Variants in TCF3 observed in about 807,000 individuals in gnomAD.
The protein encoded by TCF3 is transcription factor 3, also known as transcription factor E2-alpha.
A neutral mutation model predicts 72.3 loss-of-function variants in TCF3; 54 were observed. That is an observed-to-expected ratio of 0.75 (90% CI 0.60 to 0.94). TCF3 has a LOEUF of 0.94. TCF3 is among the 40% of genes least tolerant of loss of function. The pLI is 0.00. For synonymous variants in TCF3, 525 were observed against 412.6 expected (o/e 1.27, Z -3.30); for missense variants, 1,078 against 934.4 (o/e 1.15, Z -2.00).
rs2061344321 is a variant in TCF3, at chr19:1,614,430, G to A, written c.1822+855C>T. On this transcript the variant is annotated intron_variant, in intron 18 of 18. Coordinates refer to ENST00000262965, the MANE Select transcript of TCF3 (RefSeq NM_003200.5). The surrounding 1 kb of genome is among the most constrained non-coding windows in gnomAD (Gnocchi z 5.6). ...GGGCAGCAAGTGCGAGGTGAGGAGGGGCTGCCACGGGAAGCAGAGGGACGG... is the reference window on the plus strand; with the variant it reads ...GGGCAGCAAGTGCGAGGTGAGGAGGAGCTGCCACGGGAAGCAGAGGGACGG... Among the ~76,000 whole-genome samples the A allele has an allele frequency of 6.6e-6, 1 of 152,332 alleles. No individual in the cohort carries two copies. Among genetic ancestry groups the A allele is most frequent in the East Asian group, 1.9e-4 (1 of 5,184 alleles).
rs2061120189 is a variant in TCF3, at chr19:1,612,577, ACAG to A, written c.1823-731_1823-729del. The A allele has an allele frequency of 8.0e-6, 6 of 748,928 alleles. No individual in the cohort carries two copies. The Admixed American group carries it at 1.3e-4, about 16-fold the overall frequency. 46.4% of individuals were successfully genotyped at this position (748,928 alleles called of 1,614,324 possible). A position where few individuals can be genotyped will look rare whatever the true frequency, so the allele number is the denominator to read the frequency against. ...GGGTACACGGCTGGTGTTGGTGGGC[ACAG>A]CAGTGTGGGCAGCAGTGCAGGTACA... On this transcript the variant is annotated intron_variant, in intron 18 of 18. Coordinates refer to ENST00000262965, the MANE Select transcript of TCF3 (RefSeq NM_003200.5).
At chr19:1,631,209 G>A (rs1180495695) in intron 5 of TCF3, among the ~76,000 whole-genome samples, 1 of 152,034 alleles carries the variant, frequency 6.6e-6, no homozygotes, top group Non-Finnish European at 1.5e-5. Context: ...AGGCTCAGAA[G>A]AGGATGGCGC....
chr19:1,622,034 C>A lies in TCF3; in HGVS notation c.822+20G>T. On this transcript the variant is annotated intron_variant, in intron 10 of 18. Transcript: ENST00000262965. ...ACTGCCACCCTCCGCCCACCCCCTGCCCCCTGCCCTGGGTCCTACCATACG... is the reference window on the plus strand; with the variant it reads ...ACTGCCACCCTCCGCCCACCCCCTGACCCCTGCCCTGGGTCCTACCATACG... 8 of 1,596,816 alleles carry A rather than the reference C, an allele frequency of 5.0e-6. No individual in the cohort carries two copies. Among genetic ancestry groups the A allele is most frequent in the Non-Finnish European group, 6.8e-6 (8 of 1,173,090 alleles).
chr19:1,639,372 T>A (rs1318526065), intron 3 of TCF3, among the ~76,000 whole-genome samples: 1 of 152,092 alleles, frequency 6.6e-6, no homozygotes, highest in African/African-American at 2.4e-5. Flanking sequence ...TTGTTGACAA[T>A]GGCTCGACCC....
rs2061006854 is a variant in TCF3, at chr19:1,611,795, A to C, written c.1877T>G (p.Val626Gly). The change falls in exon 19 of 19, where the codon GTG (valine) becomes GGG (glycine). Residue 626 changes from valine to glycine, a missense_variant. By Grantham distance (109) the Val-to-Gly change is moderately radical. Coordinates refer to ENST00000262965, the MANE Select transcript of TCF3 (RefSeq NM_003200.5). ...ACLKRREEEK[V>G]SGVVGDPQMV... ...CTGGGGGTCTCCAACCACACCTGAC[A>C]CCTTTTCCTCTTCTCGCCGTTTCAA... The C allele has an allele frequency of 6.2e-7, 1 of 1,613,294 alleles. No individual in the cohort carries two copies.
In TCF3 at chr19:1,652,395, C is replaced by G. The variant is rs1437616069; in HGVS notation, c.-135G>C. The G allele has an allele frequency of 2.1e-5, 3 of 143,148 alleles. No homozygotes were observed. Among genetic ancestry groups the G allele is most frequent in the Non-Finnish European group, 1.6e-5 (1 of 64,438 alleles). The allele number at this position is 143,148 out of a possible 1,614,324, so 8.9% of individuals were successfully genotyped here. On this transcript the variant is annotated 5_prime_UTR_variant, in exon 1 of 19. Transcript: ENST00000262965. Reference sequence around the variant, plus strand: ...GACAAAGGTGCGTCGCGGCCGGGCCCCCGAGGGTCGCGCGTGGGCGGCGGC... The same window carrying G: ...GACAAAGGTGCGTCGCGGCCGGGCCGCCGAGGGTCGCGCGTGGGCGGCGGC...
intron 3 of TCF3, among the ~76,000 whole-genome samples, chr19:1,643,003 C>T (rs1480420154): frequency 6.6e-6 from 1 of 152,182 alleles, no homozygotes; most frequent in Non-Finnish European, 1.5e-5. Context: ...TTCCTTTGGT[C>T]CGTCAATAAG....
At chr19:1,650,109 C>T in intron 2 of TCF3, 68 bp downstream of exon 2, 4 of 1,433,880 alleles carry the variant, frequency 2.8e-6, no homozygotes, top group Non-Finnish European at 3.8e-6. Context: ...AACACTCTCC[C>T]CTGAAAACCT....
At chr19:1,638,223 C>T (rs980398529) in intron 3 of TCF3, among the ~76,000 whole-genome samples, 1 of 152,240 alleles carries the variant, frequency 6.6e-6, no homozygotes, top group Admixed American at 6.5e-5. Flanking sequence ...ATTACCCCTA[C>T]CCTACAGATA....
chr19:1,613,123 T>TG (rs2061206120), intron 18 of TCF3, among the ~76,000 whole-genome samples: 1 of 151,160 alleles, frequency 6.6e-6, no homozygotes, highest in African/African-American at 2.4e-5. Flanking sequence ...CGGCTGGTGT[T>TG]GGTGTGGGCA....
chr19:1,615,493 G>T lies in TCF3; in HGVS notation c.1614C>A (p.Leu538=), dbSNP rs775751901. The T allele has an allele frequency of 6.2e-7, 1 of 1,610,334 alleles. No homozygotes were observed. Among genetic ancestry groups the T allele is most frequent in the Non-Finnish European group, 8.5e-7 (1 of 1,179,812 alleles). Residue 538 remains leucine, a synonymous_variant, in exon 18 of 19, where the codon CTC becomes CTA. Coordinates refer to ENST00000262965, the MANE Select transcript of TCF3 (RefSeq NM_003200.5). This position sits in a 1 kb window ranked among gnomAD's most constrained non-coding sequence, Gnocchi z 7.3. ...TSPDEDEDDL[L]PPEQKAEREK... is the part of the protein sequence containing the mutation. ...CCCGCTCGGCCTTCTGCTCTGGGGGGAGAAGGTCGTCCTCGTCCTCGTCTG... is the reference window on the plus strand; with the variant it reads ...CCCGCTCGGCCTTCTGCTCTGGGGGTAGAAGGTCGTCCTCGTCCTCGTCTG...
rs1248402711 is a variant in TCF3 at position 1,609,983 on chromosome 19, GCCA to G, written c.*1721_*1723del. On this transcript the variant is annotated 3_prime_UTR_variant, in exon 19 of 19. Transcript: ENST00000262965. Reference sequence around the variant, plus strand: ...AAGGGCACATGAAGGCCCCCAGCTAGCCAGGCCCACACCTGGGTGCCACAGTGA... The same window carrying G: ...AAGGGCACATGAAGGCCCCCAGCTAGGGCCCACACCTGGGTGCCACAGTGA... The G allele has an allele frequency of 1.3e-5, 3 of 232,838 alleles. No homozygotes were observed. The highest frequency in any genetic ancestry group is 2.5e-5 in the Non-Finnish European group (3 of 117,880). 14.4% of individuals were successfully genotyped at this position (232,838 alleles called of 1,614,324 possible). A position where few individuals can be genotyped will look rare whatever the true frequency, so the allele number is the denominator to read the frequency against.
chr19:1,645,165 TC>T (rs1416435149), intron 3 of TCF3, among the ~76,000 whole-genome samples: 1 of 151,476 alleles, frequency 6.6e-6, no homozygotes, highest in East Asian at 1.9e-4. Context: ...ACCCCGACAC[TC>T]CAGCCAGGGC....
chr19:1,618,167 C>T (rs1181719495), intron 16 of TCF3, among the ~76,000 whole-genome samples: 1 of 152,128 alleles, frequency 6.6e-6, no homozygotes, highest in Admixed American at 6.5e-5. Context: ...TTCCCAGCCC[C>T]AGTGTCACCC....
In TCF3 at chr19:1,637,827, C is replaced by T. The variant is rs1056497285; in HGVS notation, c.146-5422G>A. 5.9e-5 allele frequency among the ~76,000 whole-genome samples: 9 copies of T among 151,764 alleles called. No individual in the cohort carries two copies. The South Asian group carries it at 6.2e-4, about 11-fold the overall frequency. The stretch of plus-strand genomic sequence containing the variant: ...GGGAGGCTGAGGCAGGAGAATGGCG[C>T]GAACCCGGGAGGCAGAGCTTGCAGT... On this transcript the variant is annotated intron_variant, in intron 3 of 18. Transcript: ENST00000262965.
chr19:1,642,652 G>GA (rs1237910504), intron 3 of TCF3, among the ~76,000 whole-genome samples: 1 of 152,162 alleles, frequency 6.6e-6, no homozygotes, highest in African/African-American at 2.4e-5. Flanking sequence ...CCTATTAAAT[G>GA]AGACAGGCCG....
Position 1,611,767 on chromosome 19 carries a change from C to T in TCF3, c.1905G>A (p.Met635Ile). 1 of 1,613,650 alleles carries T rather than the reference C, an allele frequency of 6.2e-7. No homozygotes were observed. Among genetic ancestry groups the T allele is most frequent in the Middle Eastern group, 1.6e-4 (1 of 6,062 alleles). Reference sequence around the variant, plus strand: ...GGCCTGGGTGGGGAGCTGAAAGCACCATCTGGGGGTCTCCAACCACACCTG... The same window carrying T: ...GGCCTGGGTGGGGAGCTGAAAGCACTATCTGGGGGTCTCCAACCACACCTG... ...KVSGVVGDPQ[M>I]VLSAPHPGLS... Residue 635 changes from methionine to isoleucine, a missense_variant, in exon 19 of 19, where the codon ATG (methionine) becomes ATA (isoleucine). Met to Ile is a conservative substitution (Grantham distance 10). Transcript: ENST00000262965.
intron 3 of TCF3, among the ~76,000 whole-genome samples, chr19:1,633,394 G>C (rs1302768037): frequency 1.3e-5 from 2 of 152,028 alleles, no homozygotes; most frequent in African/African-American, 4.8e-5. Flanking sequence ...CAGGCCTGGG[G>C]GACCCAGCCC....
chr19:1,634,010 A>T (rs956758897), intron 3 of TCF3, among the ~76,000 whole-genome samples: 1 of 152,184 alleles, frequency 6.6e-6, no homozygotes, highest in African/African-American at 2.4e-5. Flanking sequence ...CCCAGCCCTC[A>T]TCCCCTGGAA....
Sources: gnomAD v4.1 joint callset for allele counts (sites outside exome capture counted in the v4.1 genomes callset) on GRCh38, gnomAD v4.1.1 for gene constraint, Gnocchi (gnomAD v3.1) non-coding constraint, MANE v1.5 for transcripts, NCBI Gene and HGNC (gene_info 2026-07-23, HGNC 2026-07-21) for gene names.